The following NPHP1 variants were observed in gnomAD, a reference collection of about 807,000 sequenced individuals.
The protein encoded by NPHP1 is nephrocystin-1.
A neutral mutation model predicts 90.4 loss-of-function variants in NPHP1; 70 were observed. The ratio of observed to expected loss-of-function variants is 0.77; its 90% CI spans 0.64 to 0.95. NPHP1 has a LOEUF of 0.95. Ranked by LOEUF, NPHP1 falls within the 40% of genes least tolerant of loss-of-function variation. The pLI is 0.00. For missense variants in NPHP1, 764 were observed against 795.9 expected (o/e 0.96, Z 0.48); for synonymous variants, 256 against 271.7 (o/e 0.94, Z 0.57).
chr2:110,161,085 G>A (rs1682278685), intron 10 of NPHP1, among the ~76,000 whole-genome samples: 1 of 152,082 alleles, frequency 6.6e-6, no homozygotes, highest in South Asian at 2.1e-4. Flanking sequence ...AGGGTCGCTT[G>A]AGCCCAGGAA....
intron 17 of NPHP1, 29 bp downstream of exon 17, chr2:110,131,650 C>A (rs2104437684): frequency 1.6e-6 from 2 of 1,274,734 alleles, no homozygotes; most frequent in East Asian, 2.3e-5. Context: ...AGCATTACTG[C>A]ACATAAGGAA....
chr2:110,144,625 TGGAGTCA>T, intron 14 of NPHP1, 56 bp from the exon 15 acceptor site: 1 of 999,886 alleles, frequency 1.0e-6, no homozygotes, highest in Non-Finnish European at 1.6e-6. Context: ...TAGAAAACAC[TGGAGTCA>T]GTAGTTAAAT....
At chr2:110,190,707 G>A (rs560709040) in intron 2 of NPHP1, among the ~76,000 whole-genome samples, 6 of 152,320 alleles carry the variant, frequency 3.9e-5, no homozygotes, top group South Asian at 2.1e-4. Flanking sequence ...CAGAGGAGGC[G>A]CCAAGAGTGA....
Position 110,178,335 on chromosome 2 carries a change from A to C in NPHP1, c.329+88T>G, listed in dbSNP as rs17842672. ...TTGTTAGTGTCATTTGTTTATATCT[A>C]TACTGCTATATGTCTTTGAGTTAAA... On this transcript the variant is annotated intron_variant, in intron 4 of 19. Transcript: ENST00000445609. 2,832 of 1,249,976 alleles carry C rather than the reference A, an allele frequency of 2.3e-3. 49 individuals carry two copies. The African/African-American group carries it at 0.037, about 16-fold the overall frequency. The allele number at this position is 1,249,976 out of a possible 1,614,324, so 77.4% of individuals were successfully genotyped here. A position where few individuals can be genotyped will look rare whatever the true frequency, so the allele number is the denominator to read the frequency against.
In NPHP1 at chr2:110,178,539, T is replaced by C. The variant is rs766609143; in HGVS notation, c.213A>G (p.Glu71=). ...NALQKLSKAD[E]SAPVANYNQR... ...GATTATAGTTTGCAACAGGTGCAGA[T>C]TCATCAGCCTATGAGAGAATATAGG... The change falls in exon 4 of 20, where the codon GAA becomes GAG. Residue 71 remains glutamate, a synonymous_variant. Transcript: ENST00000445609. The C allele has an allele frequency of 1.9e-6, 3 of 1,613,464 alleles. No individual in the cohort carries two copies. The South Asian group carries it at 3.3e-5, about 18-fold the overall frequency.
At chr2:110,202,576 G>A in intron 1 of NPHP1, 1 of 305,810 alleles carries the variant, frequency 3.3e-6, no homozygotes, top group Non-Finnish European at 7.0e-6. Flanking sequence ...TCTCCAGGGA[G>A]AATAATCTTT....
intron 2 of NPHP1, chr2:110,184,595 C>A: frequency 8.3e-7 from 1 of 1,204,864 alleles, no homozygotes; most frequent in South Asian, 1.2e-5. Context: ...CCCACTCCAT[C>A]ATGCGAATTG....
At chr2:110,174,738 C>G (rs1361018806) in intron 4 of NPHP1, among the ~76,000 whole-genome samples, 1 of 151,808 alleles carries the variant, frequency 6.6e-6, no homozygotes, top group Admixed American at 6.6e-5. Flanking sequence ...GTGACACCTG[C>G]CTTTTTTTTT....
intron 2 of NPHP1, chr2:110,184,085 G>T: frequency 1.9e-6 from 1 of 531,782 alleles, no homozygotes; most frequent in South Asian, 1.4e-5. Flanking sequence ...TCACCAACCA[G>T]CCTGTCATGA....
intron 6 of NPHP1, 48 bp downstream of exon 6, chr2:110,168,404 C>CG (rs1553488802): frequency 9.3e-7 from 1 of 1,070,298 alleles, no homozygotes; most frequent in Non-Finnish European, 1.4e-6. Context: ...TTATTAAAAG[C>CG]GAAAAAAAAA....
intron 11 of NPHP1, among the ~76,000 whole-genome samples, chr2:110,151,802 G>A (rs188581482): frequency 1.6e-3 from 246 of 152,154 alleles, no homozygotes; most frequent in Non-Finnish European, 2.7e-3. Context: ...GTTCTTCTTC[G>A]TTTTTCAAGA....
intron 16 of NPHP1, among the ~76,000 whole-genome samples, chr2:110,142,789 T>C (rs1474008280): frequency 6.6e-6 from 1 of 152,210 alleles, no homozygotes; most frequent in Non-Finnish European, 1.5e-5. Flanking sequence ...ATGTAATTCA[T>C]TGAATCTGTA....
At chr2:110,184,163 A>G (rs1684114172) in intron 2 of NPHP1, 1 of 559,188 alleles carries the variant, frequency 1.8e-6, no homozygotes, top group South Asian at 1.4e-5. Flanking sequence ...ACTGCTTTCC[A>G]AAGTATGTGG....
intron 4 of NPHP1, among the ~76,000 whole-genome samples, chr2:110,172,717 G>C (rs72826898): frequency 0.3 from 45,827 of 151,850 alleles, 7,605 homozygotes; most frequent in East Asian, 0.56. Context: ...CTGGGAGGTG[G>C]ACGTTGCAGT....
At chr2:110,158,117 T>G (rs1204559925) in intron 11 of NPHP1, among the ~76,000 whole-genome samples, 2 of 152,156 alleles carry the variant, frequency 1.3e-5, no homozygotes, top group Non-Finnish European at 2.9e-5. Flanking sequence ...TTTCCATTTA[T>G]CTTCCTGTTA....
At chr2:110,139,427 T>G (rs1680465089) in intron 16 of NPHP1, among the ~76,000 whole-genome samples, 1 of 152,162 alleles carries the variant, frequency 6.6e-6, no homozygotes, top group Admixed American at 6.5e-5. Flanking sequence ...TTTGCTCTCT[T>G]TTTCTTATGT....
intron 12 of NPHP1, 40 bp downstream of exon 12, chr2:110,150,142 T>A: frequency 7.0e-7 from 1 of 1,421,284 alleles, no homozygotes; most frequent in Non-Finnish European, 1.0e-6. Flanking sequence ...ATGTTCTACT[T>A]TGAAATTCAC....
At chr2:110,194,893 C>A (rs1013085861) in intron 2 of NPHP1, among the ~76,000 whole-genome samples, 1 of 141,160 alleles carries the variant, frequency 7.1e-6, no homozygotes, top group Non-Finnish European at 1.6e-5. Context: ...ATAAACAGAA[C>A]CAACGACAAA....
At position 110,140,178 on chromosome 2, in the gene NPHP1, A is replaced by G. The variant is rs1199562031; in HGVS notation, c.1529+3364T>C. Among the ~76,000 whole-genome samples, 3 of 152,094 alleles carry G rather than the reference A, an allele frequency of 2.0e-5. No individual in the cohort carries two copies. In the East Asian group the frequency reaches 5.8e-4, roughly 29 times the overall value. On this transcript the variant is annotated intron_variant, in intron 16 of 19. Coordinates refer to ENST00000445609, the MANE Select transcript of NPHP1 (RefSeq NM_001128178.3). Reference sequence around the variant, plus strand: ...AGGAATGTATATTTTGGGGTCATGCAAAGTGGAGAGGCAATTTCAAGCCAG... The same window carrying G: ...AGGAATGTATATTTTGGGGTCATGCGAAGTGGAGAGGCAATTTCAAGCCAG...
Sources: allele counts gnomAD v4.1 joint callset (sites outside exome capture counted in the v4.1 genomes callset), GRCh38; gene constraint gnomAD v4.1.1; transcripts MANE v1.5; gene names NCBI Gene and HGNC (gene_info 2026-07-23, HGNC 2026-07-21).